Variants in DCTN1 observed in about 807,000 individuals in gnomAD.
The protein encoded by DCTN1 is dynactin subunit 1.
Under a neutral mutation model 161.2 loss-of-function variants are expected in DCTN1, and 61 were observed. The observed-to-expected ratio is 0.38, with a 90% CI of 0.31 to 0.47. The LOEUF (loss-of-function observed/expected upper bound fraction) is 0.47, where lower values mean the gene tolerates loss of function less well. DCTN1 is among the 20% of genes least tolerant of loss of function. DCTN1 has a pLI of 0.99. For synonymous variants in DCTN1, 653 were observed against 632.4 expected (o/e 1.03, Z -0.49); for missense variants, 1,404 against 1,623.7 (o/e 0.86, Z 2.33).
At chr2:74,367,012 G>T in intron 20 of DCTN1, 33 bp downstream of exon 20, 1 of 1,614,178 alleles carries the variant, frequency 6.2e-7, no homozygotes. Context: ...TAAGAAAGAA[G>T]AGGAGCTCAC....
chr2:74,376,893 G>T, intron 4 of DCTN1, 131 bp from the exon 5 acceptor site: 2 of 802,988 alleles, frequency 2.5e-6, no homozygotes, highest in South Asian at 1.5e-5. Context: ...GCCCCTCAAA[G>T]ATCAGCTTCC....
chr2:74,363,224 CCT>C (rs753082362), intron 28 of DCTN1, 47 bp from the exon 29 acceptor site: 2 of 1,614,046 alleles, frequency 1.2e-6, no homozygotes. Flanking sequence ...CTAGGAGGCC[CCT>C]GTCATCTATC....
upstream of DCTN1, chr2:74,385,188 T>C (rs1238976700): frequency 6.6e-6 from 1 of 152,258 alleles, no homozygotes; most frequent in Non-Finnish European, 1.5e-5. Context: ...CATCTCAAAA[T>C]GTCCCCTTTC....
rs147673066 is a variant in DCTN1 at position 74,371,555 on chromosome 2, C to A, written c.627G>T (p.Pro209=). The A allele has an allele frequency of 5.8e-4, 910 of 1,578,244 alleles. 6 individuals carry two copies. In the African/African-American group the frequency reaches 0.011, roughly 20 times the overall value. ...GCCTTACCTTGGATGGGGAAGGAAG[C>A]GGGGGGACTGCTCCAGGAGAGGTGA... is the stretch of plus-strand genomic sequence containing the variant. ...PVLTSPGAVP[P]LPSPSKEEEG... is the part of the protein sequence containing the mutation. Residue 209 remains proline (P), a synonymous_variant, in exon 8 of 32, where the codon CCG becomes CCT. Coordinates refer to ENST00000628224, the MANE Select transcript of DCTN1 (RefSeq NM_004082.5).
upstream of DCTN1, among the ~76,000 whole-genome samples, chr2:74,383,270 T>C (rs1056060791): frequency 2.0e-5 from 3 of 152,216 alleles, no homozygotes; most frequent in Non-Finnish European, 4.4e-5. Context: ...TATAAGCCTT[T>C]TGAAGCATAG....
In DCTN1 at chr2:74,367,683, T is replaced by C; in HGVS notation, c.2184+13A>G. Reference sequence around the variant, plus strand: ...CCTGCCTCCTGCCCCAAGCCCAAATTCTTGCCCCACACCTGATAGTACTTG... The same window carrying C: ...CCTGCCTCCTGCCCCAAGCCCAAATCCTTGCCCCACACCTGATAGTACTTG... On this transcript the variant is annotated intron_variant, in intron 18 of 31. Transcript: ENST00000628224. 1 of 1,614,122 alleles carries C rather than the reference T, an allele frequency of 6.2e-7. No individual in the cohort carries two copies. Among genetic ancestry groups the C allele is most frequent in the Non-Finnish European group, 8.5e-7 (1 of 1,180,022 alleles).
At chr2:74,372,016 T>C in intron 7 of DCTN1, 1 of 415,110 alleles carries the variant, frequency 2.4e-6, no homozygotes. Context: ...CGCTTGGCAC[T>C]GACTCCACAT....
chr2:74,384,328 A>G (rs1157611384), upstream of DCTN1, among the ~76,000 whole-genome samples: 6 of 152,242 alleles, frequency 3.9e-5, no homozygotes, highest in Non-Finnish European at 8.8e-5. Flanking sequence ...GCAGAGGGGC[A>G]CATCTGAATA....
At chr2:74,389,356 T>C (rs1224847676) in intron 1 of DCTN1, among the ~76,000 whole-genome samples, 1 of 152,198 alleles carries the variant, frequency 6.6e-6, no homozygotes, top group African/African-American at 2.4e-5. Context: ...CCTATTTTCC[T>C]TGGTATGGGA....
At chr2:74,379,167 TA>T (rs1675392253) in intron 1 of DCTN1, among the ~76,000 whole-genome samples, 1 of 152,068 alleles carries the variant, frequency 6.6e-6, no homozygotes, top group South Asian at 2.1e-4. Flanking sequence ...AATAGAAAAT[TA>T]GGTCCCAAAT....
chr2:74,374,659 A>G (rs1008331038), intron 5 of DCTN1: 22 of 1,211,112 alleles, frequency 1.8e-5, no homozygotes, highest in Non-Finnish European at 2.2e-5. Flanking sequence ...GGCTGATGGC[A>G]GCCTCAGTGG....
At chr2:74,376,791 T>G in intron 4 of DCTN1, 29 bp from the exon 5 acceptor site, 2 of 1,596,192 alleles carry the variant, frequency 1.3e-6, no homozygotes, top group Non-Finnish European at 1.7e-6. Flanking sequence ...AGGGCAGAGT[T>G]AGAGAACAGA....
chr2:74,381,528 C>T (rs13389542), upstream of DCTN1, among the ~76,000 whole-genome samples: 878 of 152,290 alleles, frequency 5.8e-3, 7 homozygotes, highest in South Asian at 9.1e-3. Context: ...TCCATGTCGC[C>T]CCCTCCTTTC....
intron 27 of DCTN1, 21 bp downstream of exon 27, chr2:74,363,593 C>T (rs775030576): frequency 4.3e-6 from 7 of 1,613,146 alleles, no homozygotes; most frequent in Admixed American, 1.7e-5. Context: ...CTGGTAACCC[C>T]CGGCCAGAGT....
intron 1 of DCTN1, chr2:74,386,740 T>C (rs964601749): frequency 6.6e-6 from 1 of 152,220 alleles, no homozygotes; most frequent in African/African-American, 2.4e-5. Context: ...CATGCATATG[T>C]CATTATCTCT....
At position 74,362,578 on chromosome 2, in the gene DCTN1, AG is replaced by A. The variant is rs1359060238; in HGVS notation, c.3609+71del. On this transcript the variant is annotated intron_variant, in intron 30 of 31. Coordinates refer to ENST00000628224, the MANE Select transcript of DCTN1 (RefSeq NM_004082.5). ...CTGTCTAGCACAGGGCTGGGCTCAG[AG>A]GAACTCCACAAGTGCCTGGCTCCAC... 28 of 1,508,602 alleles carry A rather than the reference AG, an allele frequency of 1.9e-5. No homozygotes were observed. In the East Asian group the frequency reaches 6.6e-4, roughly 35 times the overall value. 93.5% of individuals were successfully genotyped at this position (1,508,602 alleles called of 1,614,324 possible).
rs773076399 is a variant in DCTN1 at position 74,367,946 on chromosome 2, G to A, written c.2015+25C>T. 3.0e-5 allele frequency: 48 copies of A among 1,614,098 alleles called. 1 individual carries two copies. The South Asian group carries it at 4.9e-4, about 17-fold the overall frequency. ...GGCCAATCCTGGACCCCCACCCTGG[G>A]GTGAGGGAGTCAGGAGTCACTTACT... On this transcript the variant is annotated intron_variant, in intron 17 of 31. Transcript: ENST00000628224.
At chr2:74,373,000 T>C (rs1419379633) in intron 6 of DCTN1, 52 bp from the exon 7 acceptor site, 6 of 1,578,386 alleles carry the variant, frequency 3.8e-6, no homozygotes, top group Non-Finnish European at 5.2e-6. Flanking sequence ...GAAAGGACAA[T>C]GGCAGAAAGA....
In DCTN1 at chr2:74,369,243, G is replaced by A. The variant is rs371661366; in HGVS notation, c.1585-29C>T. On this transcript the variant is annotated intron_variant, in intron 14 of 31. Transcript: ENST00000628224. This position sits in a 1 kb window ranked among gnomAD's most constrained non-coding sequence, Gnocchi z 4.9. ...GGAGGAGAGACAGTGAAGCACAGCT[G>A]GGTCATAAGGAAGCCCTGGGGTGAT... is the stretch of plus-strand genomic sequence containing the variant. 3 of 1,614,032 alleles carry A rather than the reference G, an allele frequency of 1.9e-6. No homozygotes were observed. The highest frequency in any genetic ancestry group is 2.7e-5 in the African/African-American group (2 of 74,912).
Sources: gnomAD v4.1 joint callset for allele counts (sites outside exome capture counted in the v4.1 genomes callset) on GRCh38, gnomAD v4.1.1 for gene constraint, Gnocchi (gnomAD v3.1) non-coding constraint, MANE v1.5 for transcripts, NCBI Gene and HGNC (gene_info 2026-07-23, HGNC 2026-07-21) for gene names.